The following ESR2 variants were observed in gnomAD, a reference collection of about 807,000 sequenced individuals.
ESR2 encodes the protein estrogen receptor 2, also known as estrogen receptor beta.
Under a neutral mutation model 49.6 loss-of-function variants are expected in ESR2, and 36 were observed. The ratio of observed to expected loss-of-function variants is 0.73; its 90% CI spans 0.56 to 0.96. ESR2 has a LOEUF of 0.96. Ranked by LOEUF, ESR2 falls within the 40% of genes least tolerant of loss-of-function variation. ESR2 has a pLI of 0.00. For synonymous variants in ESR2, 320 were observed against 266.1 expected (o/e 1.20, Z -1.97); for missense variants, 714 against 693.0 (o/e 1.03, Z -0.34).
chr14:64,284,228 C>CT (rs1252360808), intron 1 of ESR2, among the ~76,000 whole-genome samples: 3 of 151,644 alleles, frequency 2.0e-5, no homozygotes, highest in Admixed American at 2.0e-4. Flanking sequence ...CATGCCTGGC[C>CT]TACGTATCAG....
chr14:64,251,311 A>C (rs2075983716), intron 6 of ESR2, among the ~76,000 whole-genome samples: 1 of 150,950 alleles, frequency 6.6e-6, no homozygotes, highest in African/African-American at 2.4e-5. Context: ...ATGGGGCAAA[A>C]AAAAAAAAAA....
chr14:64,254,361 A>C lies in ESR2; in HGVS notation c.1091+2865T>G, dbSNP rs574466932. 2.6e-5 allele frequency among the ~76,000 whole-genome samples: 4 copies of C among 152,300 alleles called. No individual in the cohort carries two copies. The South Asian group carries it at 8.3e-4, about 32-fold the overall frequency. The stretch of plus-strand genomic sequence containing the variant: ...CCTCTACAAATATACCTATTACATA[A>C]AAGTATATTCATTTGTATAAGAGAG... On this transcript the variant is annotated intron_variant, in intron 6 of 8. Transcript: ENST00000341099.
intron 1 of ESR2, chr14:64,337,795 T>C (rs1437474289): frequency 6.6e-6 from 1 of 152,170 alleles, no homozygotes; most frequent in Non-Finnish European, 1.5e-5. Context: ...TAAAAGTCTG[T>C]TTTACATGAG....
At chr14:64,242,108 G>A (rs1340772126) in intron 7 of ESR2, among the ~76,000 whole-genome samples, 1 of 152,120 alleles carries the variant, frequency 6.6e-6, no homozygotes, top group Non-Finnish European at 1.5e-5. Flanking sequence ...AATGCTGTGT[G>A]CATCTATTAA....
At chr14:64,309,823 A>C (rs576207877) in intron 1 of ESR2, among the ~76,000 whole-genome samples, 2 of 151,980 alleles carry the variant, frequency 1.3e-5, no homozygotes, top group South Asian at 4.2e-4. Context: ...GCGGTGGCTC[A>C]CGCCTGTAAT....
In ESR2 at chr14:64,268,817, G is replaced by A. The variant is rs2228481; in HGVS notation, c.630C>T (p.Tyr210=). 1.3e-3 allele frequency: 2,147 copies of A among 1,612,264 alleles called. 34 individuals carry two copies. In the African/African-American group the frequency reaches 0.026, roughly 19 times the overall value. ...CACCACACTTCACCATTCCCACTTC[G>A]TAACACTTCCGAAGTCGGCAGGCCT... The part of the protein sequence containing the change: ...SCQACRLRKC[Y]EVGMVKCGSR... Residue 210 remains tyrosine, a synonymous_variant, in exon 4 of 9, where the codon TAC becomes TAT. Transcript: ENST00000341099.
chr14:64,310,288 AT>A (rs1412493268), intron 1 of ESR2, among the ~76,000 whole-genome samples: 42 of 126,248 alleles, frequency 3.3e-4, no homozygotes, highest in Admixed American at 2.0e-3. Context: ...GTCTCAAAAA[AT>A]AATAATAATA....
intron 1 of ESR2, among the ~76,000 whole-genome samples, chr14:64,316,596 G>A (rs1424366001): frequency 6.6e-6 from 1 of 151,930 alleles, no homozygotes; most frequent in African/African-American, 2.4e-5. Flanking sequence ...ATCACTTGAG[G>A]TCAGGAGTTT....
At position 64,233,143 on chromosome 14, in the gene ESR2, A is replaced by G; in HGVS notation, c.1587T>C (p.Ser529=). The change falls in exon 9 of 9, where the codon TCT becomes TCC. Residue 529 remains serine (S), a synonymous_variant. Transcript: ENST00000341099. ...TTCACCTCAGGGCCAGGCGTCACTG[A>G]GACTGTGGGTTCTGGGAGCCCTCTT... ...KSKEGSQNPQ[S]Q 6.2e-7 allele frequency: 1 copy of G among 1,613,170 alleles called. No individual in the cohort carries two copies. Among genetic ancestry groups the G allele is most frequent in the Non-Finnish European group, 8.5e-7 (1 of 1,179,286 alleles).
chr14:64,246,553 AT>A (rs1179799758), intron 7 of ESR2, among the ~76,000 whole-genome samples: 1 of 151,612 alleles, frequency 6.6e-6, no homozygotes. Flanking sequence ...AGACTAATAT[AT>A]CATCTCTACT....
chr14:64,248,408 C>G lies in ESR2; in HGVS notation c.1225+1138G>C, dbSNP rs2075911705. ...CCTGTATTCCAAGCTACTTGTGAGGCCAAGGTGGGAGGATCACTTGAGCTC... is the reference window on the plus strand; with the variant it reads ...CCTGTATTCCAAGCTACTTGTGAGGGCAAGGTGGGAGGATCACTTGAGCTC... On this transcript the variant is annotated intron_variant, in intron 7 of 8. Transcript: ENST00000341099. Among the ~76,000 whole-genome samples the G allele has an allele frequency of 2.0e-5, 3 of 149,246 alleles. No homozygotes were observed. In the South Asian group the frequency reaches 6.3e-4, roughly 32 times the overall value.
At chr14:64,261,232 C>CTTTCTTTTTTTTTT (rs1555577156) in intron 4 of ESR2, among the ~76,000 whole-genome samples, 1 of 88,682 alleles carries the variant, frequency 1.1e-5, no homozygotes. Context: ...TTTTATTTTT[C>CTTTCTTTTTTTTTT]TTTTTTCTTT....
rs538191101 is a variant in ESR2, at chr14:64,256,675, G to C, written c.1091+551C>G. ...ATCCGGTAGGCGGAGGTTGCAGTGA[G>C]CCAAGATTGCACCTCTGCACTCCAG... On this transcript the variant is annotated intron_variant, in intron 6 of 8. Coordinates refer to ENST00000341099, the MANE Select transcript of ESR2 (RefSeq NM_001437.3). 2.0e-5 allele frequency among the ~76,000 whole-genome samples: 3 copies of C among 152,126 alleles called. No homozygotes were observed. The South Asian group carries it at 6.2e-4, about 32-fold the overall frequency.
intron 1 of ESR2, among the ~76,000 whole-genome samples, chr14:64,312,413 G>T (rs1159399675): frequency 6.6e-6 from 1 of 152,182 alleles, no homozygotes. Context: ...CGGGCGCAGT[G>T]TCTCACACCT....
chr14:64,303,657 C>T (rs975316319), intron 1 of ESR2: 1 of 152,094 alleles, frequency 6.6e-6, no homozygotes, highest in Admixed American at 6.6e-5. Context: ...TTGATGTCTC[C>T]CTCTAGTGGA....
intron 1 of ESR2, among the ~76,000 whole-genome samples, chr14:64,318,213 A>G (rs1326007840): frequency 6.6e-6 from 1 of 152,206 alleles, no homozygotes; most frequent in East Asian, 1.9e-4. Context: ...AATATGAACA[A>G]TTAGAAATTG....
upstream of ESR2, chr14:64,294,463 C>G (rs2076926752): frequency 6.6e-6 from 1 of 152,252 alleles, no homozygotes; most frequent in South Asian, 2.1e-4. Flanking sequence ...CCAGGGAGCC[C>G]GACGGTCTCA....
downstream of ESR2, chr14:64,228,170 C>A: frequency 1.3e-6 from 1 of 742,970 alleles, no homozygotes; most frequent in South Asian, 3.8e-5. Flanking sequence ...CATTTGTGTT[C>A]AGGTGCCCTT....
intron 1 of ESR2, among the ~76,000 whole-genome samples, chr14:64,300,151 C>A (rs1363285109): frequency 6.6e-6 from 1 of 152,176 alleles, no homozygotes; most frequent in Non-Finnish European, 1.5e-5. Context: ...CACACCAACC[C>A]TACAATGTTG....
Sources: allele counts gnomAD v4.1 joint callset (sites outside exome capture counted in the v4.1 genomes callset), GRCh38; gene constraint gnomAD v4.1.1; transcripts MANE v1.5; gene names NCBI Gene and HGNC (gene_info 2026-07-23, HGNC 2026-07-21).